Variants in MYO5C observed in about 807,000 individuals in gnomAD.
MYO5C encodes the protein myosin VC.
In MYO5C, 194 loss-of-function variants were observed where a neutral mutation model predicts 235.7. That is an observed-to-expected ratio of 0.82 (90% CI 0.73 to 0.93). The LOEUF (loss-of-function observed/expected upper bound fraction) is 0.93, where lower values mean the gene tolerates loss of function less well. Among genes scored for constraint, MYO5C ranks in the 40% least tolerant of loss-of-function variants. The probability of loss-of-function intolerance (pLI) is 0.00; values close to 1 mark genes in which losing one functional copy is unlikely to be tolerated. For synonymous variants in MYO5C, 707 were observed against 754.8 expected (o/e 0.94, Z 1.04); for missense variants, 2,038 against 2,127.2 (o/e 0.96, Z 0.82).
intron 24 of MYO5C, among the ~76,000 whole-genome samples, chr15:52,230,195 A>C (rs2035916781): frequency 6.6e-6 from 1 of 152,204 alleles, no homozygotes; most frequent in African/African-American, 2.4e-5. Flanking sequence ...AACTAAGAAA[A>C]TAATTGAAAA....
rs2036859943 is a variant in MYO5C at position 52,268,657 on chromosome 15, A to G, written c.940+1096T>C. Among the ~76,000 whole-genome samples, 3 of 152,282 alleles carry G rather than the reference A, an allele frequency of 2.0e-5. No homozygotes were observed. In the South Asian group the frequency reaches 6.2e-4, roughly 32 times the overall value. ...TGGATGTCTAGACTCATACAGAATG[A>G]GAGAGTGAATGCCTGTTTTTATAAA... On this transcript the variant is annotated intron_variant, in intron 8 of 40. Transcript: ENST00000261839.
At chr15:52,198,178 C>CA (rs2035097412) in intron 38 of MYO5C, among the ~76,000 whole-genome samples, 2 of 151,898 alleles carry the variant, frequency 1.3e-5, no homozygotes, top group African/African-American at 2.4e-5. Context: ...ACTAAAAATA[C>CA]AAAAAAATTA....
chr15:52,271,963 T>A, intron 6 of MYO5C, 119 bp from the exon 7 acceptor site: 1 of 545,232 alleles, frequency 1.8e-6, no homozygotes, highest in Non-Finnish European at 3.1e-6. Context: ...GTCTGGGATG[T>A]GATCTGGCCA....
chr15:52,232,200 A>G (rs201792250), intron 24 of MYO5C, among the ~76,000 whole-genome samples: 25 of 72,946 alleles, frequency 3.4e-4, no homozygotes, highest in East Asian at 0.013. Context: ...GGGAGGAAGG[A>G]AGGAAGGAAA....
intron 24 of MYO5C, 40 bp downstream of exon 24, chr15:52,232,582 G>A: frequency 6.3e-7 from 1 of 1,583,698 alleles, no homozygotes; most frequent in Non-Finnish European, 8.7e-7. Context: ...AGCACAGACA[G>A]AAGAAAGAAA....
In MYO5C at chr15:52,195,543, T is replaced by C. The variant is rs905332113; in HGVS notation, c.4996-86A>G. ...AATGGTTCTGGTTATTGGGAACCATTGGGAAGCACAGGTGGTTCTTTTAGC... is the reference window on the plus strand; with the variant it reads ...AATGGTTCTGGTTATTGGGAACCATCGGGAAGCACAGGTGGTTCTTTTAGC... On this transcript the variant is annotated intron_variant, in intron 39 of 40. Coordinates refer to ENST00000261839, the MANE Select transcript of MYO5C (RefSeq NM_018728.4). The C allele has an allele frequency of 5.6e-5, 49 of 869,250 alleles. 1 individual carries two copies. The highest frequency in any genetic ancestry group is 7.8e-5 in the Non-Finnish European group (46 of 587,226). 53.8% of individuals were successfully genotyped at this position (869,250 alleles called of 1,614,324 possible). A position where few individuals can be genotyped will look rare whatever the true frequency, so the allele number is the denominator to read the frequency against.
intron 18 of MYO5C, among the ~76,000 whole-genome samples, chr15:52,244,864 G>C (rs553401597): frequency 6.6e-6 from 1 of 152,290 alleles, no homozygotes; most frequent in South Asian, 2.1e-4. Context: ...ACTCTCTCGT[G>C]GTCTCCACAT....
rs1272574156 is a variant in MYO5C, at chr15:52,260,847, T to C, written c.1313+15A>G. ...TTTAAAGGAGGAAAGACAGGCTCAC[T>C]GAAGAGAATCTTACCCATAAATGTC... On this transcript the variant is annotated intron_variant, in intron 10 of 40. Coordinates refer to ENST00000261839, the MANE Select transcript of MYO5C (RefSeq NM_018728.4). 2 of 1,612,248 alleles carry C rather than the reference T, an allele frequency of 1.2e-6. No individual in the cohort carries two copies. The highest frequency in any genetic ancestry group is 1.7e-5 in the Admixed American group (1 of 59,964).
rs886896375 is a variant in MYO5C, at chr15:52,205,105, C to A, written c.4580G>T (p.Gly1527Val). Residue 1527 changes from glycine (G) to valine (V), a missense_variant, in exon 38 of 41, where the codon GGC becomes GTC. By Grantham distance (109) the Gly-to-Val change is moderately radical. Transcript: ENST00000261839. ...CTTCCGGAAGCCTGTGGGCTTCAGG[C>A]CGGAAATGCCCTGCAGGCTCTCATA... ...LEYESLQGISGLKPTGFRKRS... is the reference protein window; with the variant it reads ...LEYESLQGISVLKPTGFRKRS... 10 of 1,614,058 alleles carry A rather than the reference C, an allele frequency of 6.2e-6. No homozygotes were observed. Among genetic ancestry groups the A allele is most frequent in the Non-Finnish European group, 8.5e-7 (1 of 1,180,044 alleles).
chr15:52,252,252 C>T (rs1423941334), intron 12 of MYO5C, among the ~76,000 whole-genome samples: 2 of 152,050 alleles, frequency 1.3e-5, no homozygotes, highest in Admixed American at 1.3e-4. Flanking sequence ...AGTGTGGGTT[C>T]CATTACACGA....
At position 52,205,544 on chromosome 15, in the gene MYO5C, A is replaced by G. The variant is rs73404852; in HGVS notation, c.4537+272T>C. 390 of 336,892 alleles carry G rather than the reference A, an allele frequency of 1.2e-3. 4 individuals are homozygous for G. The highest frequency in any genetic ancestry group is 5.4e-3 in the South Asian group (66 of 12,314). The allele number at this position is 336,892 out of a possible 1,614,324, so 20.9% of individuals were successfully genotyped here. A position where few individuals can be genotyped will look rare whatever the true frequency, so the allele number is the denominator to read the frequency against. On this transcript the variant is annotated intron_variant, in intron 37 of 40. Coordinates refer to ENST00000261839, the MANE Select transcript of MYO5C (RefSeq NM_018728.4). The stretch of plus-strand genomic sequence containing the variant: ...ATACTTGGCTACGCCAAGAAGTAGA[A>G]GTACCACATAAATAGCAGTAGTAGA...
intron 8 of MYO5C, among the ~76,000 whole-genome samples, chr15:52,267,659 C>T (rs1162825311): frequency 2.0e-5 from 3 of 152,210 alleles, no homozygotes; most frequent in Non-Finnish European, 4.4e-5. Context: ...GTACCCCAGC[C>T]TGGGCGACAG....
chr15:52,235,478 C>T (rs1019367712), intron 23 of MYO5C, among the ~76,000 whole-genome samples, 192 bp downstream of exon 23: 2 of 152,170 alleles, frequency 1.3e-5, no homozygotes, highest in Non-Finnish European at 2.9e-5. Context: ...TGACAAAAGA[C>T]AGAAATAAAA....
intron 13 of MYO5C, chr15:52,251,003 A>G (rs1416990107): frequency 5.8e-5 from 9 of 154,504 alleles, no homozygotes; most frequent in African/African-American, 1.9e-4. Context: ...GAGTTAACCT[A>G]TGTTGCCACT....
At chr15:52,284,148 T>C (rs28776010) in intron 1 of MYO5C, among the ~76,000 whole-genome samples, 8,447 of 151,544 alleles carry the variant, frequency 0.056, 451 homozygotes, top group African/African-American at 0.14. Context: ...ATATGGGACA[T>C]AGTAACTTTA....
chr15:52,197,683 G>A (rs568188247), intron 38 of MYO5C, among the ~76,000 whole-genome samples: 10 of 152,214 alleles, frequency 6.6e-5, no homozygotes, highest in African/African-American at 2.2e-4. Context: ...CCAGGCGGGA[G>A]TACAGTGGCC....
chr15:52,230,125 C>T (rs1322326007), intron 24 of MYO5C, among the ~76,000 whole-genome samples: 1 of 152,098 alleles, frequency 6.6e-6, no homozygotes, highest in East Asian at 1.9e-4. Context: ...ATCCACGTGC[C>T]CAAAAGTGCA....
At chr15:52,294,263 A>G (rs1245703641) in intron 1 of MYO5C, among the ~76,000 whole-genome samples, 2 of 152,258 alleles carry the variant, frequency 1.3e-5, no homozygotes. Context: ...GTATCGTCGA[A>G]GACTAGTCCA....
At chr15:52,212,917 G>A (rs572556077) in intron 34 of MYO5C, among the ~76,000 whole-genome samples, 10 of 152,256 alleles carry the variant, frequency 6.6e-5, no homozygotes, top group South Asian at 4.2e-4. Context: ...CAGGACATTC[G>A]GCAATACCTG....
Sources: gnomAD v4.1 joint callset for allele counts (sites outside exome capture counted in the v4.1 genomes callset) on GRCh38, gnomAD v4.1.1 for gene constraint, MANE v1.5 for transcripts, NCBI Gene and HGNC (gene_info 2026-07-23, HGNC 2026-07-21) for gene names.